ZFHX3: variants seen among roughly 807,000 people sequenced by gnomAD.
ZFHX3 encodes zinc finger homeobox protein 3.
A neutral mutation model predicts 279.1 loss-of-function variants in ZFHX3; 42 were observed. That is an observed-to-expected ratio of 0.15 (90% confidence interval 0.12 to 0.19). The LOEUF is 0.19. Among genes scored for constraint, ZFHX3 ranks in the 10% least tolerant of loss-of-function variants. ZFHX3 has a pLI of 1.00. For synonymous variants in ZFHX3, 2,293 were observed against 1,957.8 expected (o/e 1.17, Z -4.52); for missense variants, 4,981 against 4,754.0 (o/e 1.05, Z -1.40).
At chr16:73,420,338 A>G (rs1485893815) in intron 3 of ZFHX3, 2 of 152,208 alleles carry the variant, frequency 1.3e-5, no homozygotes, top group Admixed American at 6.5e-5. Flanking sequence ...TTCATATTAG[A>G]TAGTATCTAA....
At chr16:73,132,513 C>T (rs997365998) in intron 6 of ZFHX3, among the ~76,000 whole-genome samples, 8 of 152,164 alleles carry the variant, frequency 5.3e-5, no homozygotes, top group Admixed American at 4.6e-4. Flanking sequence ...TAGTTCCACT[C>T]CTAGCAATTT....
chr16:73,514,504 C>T (rs537569664), intron 2 of ZFHX3, among the ~76,000 whole-genome samples: 1 of 152,218 alleles, frequency 6.6e-6, no homozygotes, highest in Non-Finnish European at 1.5e-5. Context: ...TATAAGGAAG[C>T]TGAATATCCT....
chr16:73,334,810 C>CTTTTTTTTTTTTTTTTTTTTTTTTTT lies in ZFHX3; in HGVS notation c.-1290-16500_-1290-16475dup, dbSNP rs368597124. Among the ~76,000 whole-genome samples the CTTTTTTTTTTTTTTTTTTTTTTTTTT allele has an allele frequency of 2.2e-4, 13 of 57,918 alleles. 2 individuals are homozygous for CTTTTTTTTTTTTTTTTTTTTTTTTTT. The highest frequency in any genetic ancestry group is 6.9e-4 in the South Asian group (1 of 1,442). The allele number at this position is 57,918 out of a possible 152,430, so 38.0% of individuals were successfully genotyped here. A position where few individuals can be genotyped will look rare whatever the true frequency, so the allele number is the denominator to read the frequency against. ...TCTTTTCCTCCTTTTCTTTCTCATT[C>CTTTTTTTTTTTTTTTTTTTTTTTTTT]TTTTTTTTTTTTTTTTTTTTTTTTT... On this transcript the variant is annotated intron_variant, in intron 3 of 17. Coordinates refer to the ZFHX3 transcript ENST00000641206.
intron 2 of ZFHX3, among the ~76,000 whole-genome samples, chr16:73,661,633 A>C (rs1170293496): frequency 6.6e-6 from 1 of 151,794 alleles, no homozygotes; most frequent in African/African-American, 2.4e-5. Context: ...GAGGCAGGAG[A>C]ATCACTTGAA....
chr16:73,803,886 A>G (rs948891521), intron 1 of ZFHX3, among the ~76,000 whole-genome samples: 1 of 152,246 alleles, frequency 6.6e-6, no homozygotes, highest in African/African-American at 2.4e-5. Flanking sequence ...ACAGCCAGGC[A>G]CAGTGGCTCA....
At chr16:73,556,826 T>C (rs2020290729) in intron 2 of ZFHX3, among the ~76,000 whole-genome samples, 1 of 151,794 alleles carries the variant, frequency 6.6e-6, no homozygotes, top group African/African-American at 2.4e-5. Context: ...CCGGGCGCGG[T>C]GGCTCATGCC....
At chr16:73,697,762 A>C (rs1567554830) in intron 1 of ZFHX3, among the ~76,000 whole-genome samples, 1 of 150,032 alleles carries the variant, frequency 6.7e-6, no homozygotes, top group Non-Finnish European at 1.5e-5. Context: ...GTGGTCACAA[A>C]AAAAAAAATA....
intron 2 of ZFHX3, among the ~76,000 whole-genome samples, chr16:73,582,312 C>T (rs1267612050): frequency 2.6e-5 from 4 of 151,744 alleles, no homozygotes; most frequent in Admixed American, 6.6e-5. Flanking sequence ...ATTTGTCTTC[C>T]ATGGGGTTGT....
In ZFHX3 at chr16:73,132,191, C is replaced by T. The variant is rs373254372; in HGVS notation, c.-1023-1097G>A. On this transcript the variant is annotated intron_variant, in intron 6 of 17. Transcript: ENST00000641206. ...TCCCAGCTACTCCGGAGGCTGATGT[C>T]AGAGGATCACTTGAGCCCAGGAGAA... Among the ~76,000 whole-genome samples, 3 of 152,104 alleles carry T rather than the reference C, an allele frequency of 2.0e-5. No homozygotes were observed. The East Asian group carries it at 5.8e-4, about 29-fold the overall frequency.
intron 4 of ZFHX3, among the ~76,000 whole-genome samples, chr16:73,263,144 A>T (rs2013871546): frequency 6.6e-6 from 1 of 151,986 alleles, no homozygotes. Flanking sequence ...AAACCCAATG[A>T]TAGCCTCTTT....
intron 8 of ZFHX3, among the ~76,000 whole-genome samples, chr16:73,087,354 C>T (rs112045768): frequency 3.3e-5 from 5 of 152,086 alleles, no homozygotes; most frequent in Non-Finnish European, 7.4e-5. Context: ...ACGTACCCAG[C>T]GGGACAACAA....
chr16:73,769,483 C>T (rs1383143889), intron 1 of ZFHX3, among the ~76,000 whole-genome samples: 1 of 152,016 alleles, frequency 6.6e-6, no homozygotes, highest in Non-Finnish European at 1.5e-5. Flanking sequence ...ATTAATAGTA[C>T]CATGCTACCA....
intron 1 of ZFHX3, among the ~76,000 whole-genome samples, chr16:73,888,343 C>T (rs999523073): frequency 2.6e-5 from 4 of 152,208 alleles, no homozygotes; most frequent in Admixed American, 2.6e-4. Context: ...TTCAGATCTA[C>T]ATGCTTGCGA....
chr16:73,560,800 T>G (rs2020358547), intron 2 of ZFHX3, among the ~76,000 whole-genome samples: 1 of 152,220 alleles, frequency 6.6e-6, no homozygotes, highest in South Asian at 2.1e-4. Flanking sequence ...CTCACTTGTG[T>G]GAGTCGCTGC....
At chr16:73,457,194 G>A (rs1043653804) in intron 2 of ZFHX3, among the ~76,000 whole-genome samples, 3 of 152,158 alleles carry the variant, frequency 2.0e-5, no homozygotes, top group African/African-American at 7.2e-5. Flanking sequence ...AGAGGAAAGT[G>A]ACAGTTTTCT....
chr16:73,213,224 C>T (rs967712394), intron 5 of ZFHX3, among the ~76,000 whole-genome samples: 1 of 152,216 alleles, frequency 6.6e-6, no homozygotes, highest in African/African-American at 2.4e-5. Flanking sequence ...TTGATTACTC[C>T]AGTGTGCCAA....
chr16:73,612,438 A>C (rs564839279), intron 2 of ZFHX3, among the ~76,000 whole-genome samples: 1 of 152,340 alleles, frequency 6.6e-6, no homozygotes, highest in South Asian at 2.1e-4. Flanking sequence ...ATTATGCATT[A>C]AAACAGAATG....
At chr16:73,817,499 A>T (rs1960606602) in intron 1 of ZFHX3, among the ~76,000 whole-genome samples, 1 of 152,142 alleles carries the variant, frequency 6.6e-6, no homozygotes, top group Non-Finnish European at 1.5e-5. Flanking sequence ...CATGTTATAG[A>T]CACCCTAACG....
At chr16:73,556,329 G>A (rs1176480222) in intron 2 of ZFHX3, among the ~76,000 whole-genome samples, 1 of 152,068 alleles carries the variant, frequency 6.6e-6, no homozygotes, top group Non-Finnish European at 1.5e-5. Context: ...GAGGGGGGTG[G>A]CGGAAGAAAC....
Sources: allele counts gnomAD v4.1 joint callset (sites outside exome capture counted in the v4.1 genomes callset), GRCh38; gene constraint gnomAD v4.1.1; transcripts MANE v1.5; gene names NCBI Gene and HGNC (gene_info 2026-07-23, HGNC 2026-07-21).